SNX29: variants seen among roughly 807,000 people sequenced by gnomAD.
The protein encoded by SNX29 is sorting nexin-29.
Under a neutral mutation model 102.1 loss-of-function variants are expected in SNX29, and 78 were observed. The ratio of observed to expected loss-of-function variants is 0.76; its 90% CI spans 0.64 to 0.92. The LOEUF is 0.92. Among genes scored for constraint, SNX29 ranks in the 40% least tolerant of loss-of-function variants. The pLI is 0.00. For missense variants in SNX29, 1,280 were observed against 1,061.7 expected (o/e 1.21, Z -2.86); for synonymous variants, 580 against 414.5 (o/e 1.40, Z -4.85).
chr16:12,164,574 A>G lies in SNX29; in HGVS notation c.1595+34816A>G, dbSNP rs1255302990. Reference sequence around the variant, plus strand: ...AACTTCTCACTTTGAAAGGGGCCATACAGCATTTGGAAGCTGTATGGGCAG... The same window carrying G: ...AACTTCTCACTTTGAAAGGGGCCATGCAGCATTTGGAAGCTGTATGGGCAG... On this transcript the variant is annotated intron_variant, in intron 13 of 20. Coordinates refer to ENST00000566228, the MANE Select transcript of SNX29 (RefSeq NM_032167.5). Among the ~76,000 whole-genome samples the G allele has an allele frequency of 4.6e-5, 7 of 152,024 alleles. No homozygotes were observed. In the South Asian group the frequency reaches 6.2e-4, roughly 14 times the overall value.
intron 18 of SNX29, among the ~76,000 whole-genome samples, chr16:12,472,886 G>A (rs967391317): frequency 3.9e-5 from 6 of 152,116 alleles, no homozygotes; most frequent in African/African-American, 1.4e-4. Context: ...GGTTTGCCCC[G>A]ATGCCCGATT....
At chr16:12,336,519 A>G (rs2081456179) in intron 15 of SNX29, among the ~76,000 whole-genome samples, 1 of 152,218 alleles carries the variant, frequency 6.6e-6, no homozygotes, top group Non-Finnish European at 1.5e-5. Flanking sequence ...AGATATTGGA[A>G]TACTGTGTTT....
chr16:12,088,320 AGGTGCCAC>A (rs2052319506), intron 11 of SNX29: 1 of 357,460 alleles, frequency 2.8e-6, no homozygotes, highest in Admixed American at 3.7e-5. Context: ...TGCTAGGGGG[AGGTGCCAC>A]GTTGCCAGGT....
At chr16:12,310,027 C>G (rs1015179023) in intron 15 of SNX29, among the ~76,000 whole-genome samples, 1 of 111,800 alleles carries the variant, frequency 8.9e-6, no homozygotes, top group African/African-American at 4.2e-5. Context: ...CGCTTGCACA[C>G]ATGGATGTGT....
At chr16:12,440,109 C>G (rs953100952) in intron 18 of SNX29, among the ~76,000 whole-genome samples, 5 of 152,178 alleles carry the variant, frequency 3.3e-5, no homozygotes, top group African/African-American at 1.2e-4. Context: ...AAGCTGTGCT[C>G]GCAAAGGGCA....
intron 18 of SNX29, among the ~76,000 whole-genome samples, chr16:12,435,168 CTCCG>C (rs2085481696): frequency 6.6e-6 from 1 of 152,194 alleles, no homozygotes; most frequent in African/African-American, 2.4e-5. Flanking sequence ...CCCTCTGCCT[CTCCG>C]TCTTTCTTCC....
chr16:12,145,332 C>T (rs867896602), intron 13 of SNX29, among the ~76,000 whole-genome samples: 23 of 152,222 alleles, frequency 1.5e-4, no homozygotes, highest in South Asian at 6.2e-4. Context: ...TATATTTTTA[C>T]ATAGTTACAC....
intron 15 of SNX29, among the ~76,000 whole-genome samples, chr16:12,319,952 T>C (rs1417584179): frequency 2.6e-5 from 4 of 151,770 alleles, no homozygotes; most frequent in Non-Finnish European, 5.9e-5. Flanking sequence ...GAAACCCGAG[T>C]AGGTTGTGGA....
chr16:11,986,869 A>G (rs1161507084), intron 1 of SNX29, among the ~76,000 whole-genome samples: 1 of 152,162 alleles, frequency 6.6e-6, no homozygotes, highest in Non-Finnish European at 1.5e-5. Flanking sequence ...TGTTCCAATA[A>G]AACTTTATTT....
chr16:12,378,401 G>A (rs2082952734), intron 16 of SNX29, among the ~76,000 whole-genome samples: 1 of 152,192 alleles, frequency 6.6e-6, no homozygotes, highest in African/African-American at 2.4e-5. Context: ...TGTAATCCCA[G>A]CGCTTTAGGA....
intron 14 of SNX29, among the ~76,000 whole-genome samples, chr16:12,274,702 A>G (rs1023450708): frequency 2.6e-5 from 4 of 151,530 alleles, no homozygotes; most frequent in Admixed American, 1.3e-4. Context: ...ACACCATACT[A>G]ATTTTTGTGG....
intron 1 of SNX29, chr16:11,983,822 C>G (rs1451082706): frequency 2.1e-6 from 1 of 479,814 alleles, no homozygotes; most frequent in African/African-American, 2.1e-5. Context: ...AGATAAAGCA[C>G]CTTCCATCTG....
At chr16:12,548,713 A>AGGAGGGGTACATCC (rs1259482411) in intron 20 of SNX29, among the ~76,000 whole-genome samples, 2 of 152,168 alleles carry the variant, frequency 1.3e-5, no homozygotes, top group African/African-American at 2.4e-5. Flanking sequence ...GTACTGGTGT[A>AGGAGGGGTACATCC]GGAGGGGTAC....
At chr16:12,533,741 T>C (rs1002950624) in intron 20 of SNX29, among the ~76,000 whole-genome samples, 1 of 152,146 alleles carries the variant, frequency 6.6e-6, no homozygotes, top group Non-Finnish European at 1.5e-5. Context: ...GTGGGTCATA[T>C]AAGTGAATTA....
At chr16:12,158,549 C>T (rs889774115) in intron 13 of SNX29, among the ~76,000 whole-genome samples, 1 of 152,208 alleles carries the variant, frequency 6.6e-6, no homozygotes, top group Non-Finnish European at 1.5e-5. Context: ...CTTGAGCATT[C>T]TCACATATTT....
intron 20 of SNX29, chr16:12,560,953 C>T (rs796507500): frequency 2.9e-5 from 6 of 209,984 alleles, no homozygotes; most frequent in Non-Finnish European, 5.8e-5. Flanking sequence ...GAGAACCAGA[C>T]CCAGACCTGC....
At chr16:12,120,932 C>T (rs975096230) in intron 11 of SNX29, among the ~76,000 whole-genome samples, 1 of 152,184 alleles carries the variant, frequency 6.6e-6, no homozygotes, top group African/African-American at 2.4e-5. Context: ...TGTGAACCTG[C>T]TGGTTAGTGT....
intron 19 of SNX29, among the ~76,000 whole-genome samples, chr16:12,485,073 C>T (rs530567513): frequency 2.0e-5 from 3 of 152,354 alleles, no homozygotes; most frequent in African/African-American, 4.8e-5. Flanking sequence ...GGTGTTGGCA[C>T]ACATTCAAAA....
At chr16:12,239,241 T>G (rs990634031) in intron 14 of SNX29, among the ~76,000 whole-genome samples, 1 of 152,160 alleles carries the variant, frequency 6.6e-6, no homozygotes, top group Non-Finnish European at 1.5e-5. Context: ...TTCATTGCGT[T>G]CATTGTTTGT....
Sources: allele counts gnomAD v4.1 joint callset (sites outside exome capture counted in the v4.1 genomes callset), GRCh38; gene constraint gnomAD v4.1.1; transcripts MANE v1.5; gene names NCBI Gene and HGNC (gene_info 2026-07-23, HGNC 2026-07-21).